SLC25A3: variants seen among roughly 807,000 people sequenced by gnomAD.
SLC25A3 encodes solute carrier family 25 member 3, also known as phosphate transport protein.
In SLC25A3, 14 loss-of-function variants were observed where a neutral mutation model predicts 37.1. That is an observed-to-expected ratio of 0.38 (90% CI 0.25 to 0.59). The LOEUF is 0.59. Ranked by LOEUF, SLC25A3 falls within the 20% of genes least tolerant of loss-of-function variation. The pLI is 0.67. For missense variants in SLC25A3, 385 were observed against 458.1 expected (o/e 0.84, Z 1.46); for synonymous variants, 161 against 168.7 (o/e 0.95, Z 0.36).
At position 98,597,168 on chromosome 12, in the gene SLC25A3, T is replaced by A. The variant is rs548267426; in HGVS notation, c.280-688T>A. On this transcript the variant is annotated intron_variant, in intron 3 of 7. Transcript: ENST00000552981. ...TTGACACAGAAAGCTTTTGTTGAAA[T>A]TTTACCCTCTTAACTATCACTCCAA... Among the ~76,000 whole-genome samples the A allele has an allele frequency of 1.2e-4, 18 of 152,230 alleles. No homozygotes were observed. In the East Asian group the frequency reaches 3.5e-3, roughly 29 times the overall value.
At chr12:98,595,518 A>G (rs1246059751) in intron 2 of SLC25A3, 1 of 1,614,124 alleles carries the variant, frequency 6.2e-7, no homozygotes, top group African/African-American at 1.3e-5. Flanking sequence ...CAACACATAC[A>G]GCATTGGTTC....
At chr12:98,597,479 G>A in intron 3 of SLC25A3, 2 of 230,774 alleles carry the variant, frequency 8.7e-6, no homozygotes, top group South Asian at 1.1e-4. Flanking sequence ...TGGTGCCATC[G>A]TGGCTCACTG....
intron 2 of SLC25A3, chr12:98,595,253 C>A (rs909123523): frequency 3.2e-6 from 2 of 628,720 alleles, no homozygotes; most frequent in African/African-American, 1.8e-5. Context: ...GATACAGAAC[C>A]CTCATAATTT....
chr12:98,597,498 ACCTC>A lies in SLC25A3; in HGVS notation c.280-349_280-346del, dbSNP rs2097593962. 3 of 260,726 alleles carry A rather than the reference ACCTC, an allele frequency of 1.2e-5. No individual in the cohort carries two copies. In the South Asian group the frequency reaches 1.2e-4, roughly 11 times the overall value. The allele number at this position is 260,726 out of a possible 1,614,324, so 16.2% of individuals were successfully genotyped here. A position where few individuals can be genotyped will look rare whatever the true frequency, so the allele number is the denominator to read the frequency against. ...GCCATCGTGGCTCACTGCAACCTCC[ACCTC>A]CCTCCCTCAGGCTCAAGCGATTGTT... On this transcript the variant is annotated intron_variant, in intron 3 of 7. Coordinates refer to ENST00000552981, the MANE Select transcript of SLC25A3 (RefSeq NM_002635.4).
chr12:98,598,746 T>C (rs1288588979), intron 5 of SLC25A3, 43 bp downstream of exon 5: 1 of 1,519,232 alleles, frequency 6.6e-7, no homozygotes, highest in Non-Finnish European at 9.0e-7. Context: ...AGTACTTATT[T>C]TAAGTGAACT....
At chr12:98,598,138 G>A in intron 4 of SLC25A3, 103 bp downstream of exon 4, 1 of 1,122,732 alleles carries the variant, frequency 8.9e-7, no homozygotes. Flanking sequence ...GAAGAAAATG[G>A]TCCTACAAAG....
At chr12:98,596,687 G>GT (rs1382208122) in intron 3 of SLC25A3, among the ~76,000 whole-genome samples, 1 of 152,038 alleles carries the variant, frequency 6.6e-6, no homozygotes, top group Non-Finnish European at 1.5e-5. Flanking sequence ...TAGGAATACA[G>GT]TTATATCTAT....
In SLC25A3 at chr12:98,594,100, G is replaced by C. The variant is rs780745859; in HGVS notation, c.122G>C (p.Arg41Pro). 31 of 1,611,602 alleles carry C rather than the reference G, an allele frequency of 1.9e-5. No individual in the cohort carries two copies. The highest frequency in any genetic ancestry group is 2.6e-5 in the Non-Finnish European group (31 of 1,179,192). Reference protein sequence around the residue: ...SSSPGPTGQPRRPRNLAAAAV... With the variant: ...SSSPGPTGQPPRPRNLAAAAV... ...TCCCCAGGGCCCACGGGCCAGCCCC[G>C]CCGCCCTCGCAACCTGGCAGCCGCC... Residue 41 changes from arginine (R) to proline (P), a missense_variant, in exon 2 of 8, where the codon CGC (arginine) becomes CCC (proline). This residue lies in a region of SLC25A3 where 109 missense variants were observed against 90.5 expected (regional missense o/e 1.20). Transcript: ENST00000552981.
chr12:98,600,278 C>T (rs988263732), intron 6 of SLC25A3, 151 bp downstream of exon 6: 4 of 666,726 alleles, frequency 6.0e-6, no homozygotes, highest in Non-Finnish European at 1.1e-5. Flanking sequence ...CGCTCTGTTG[C>T]CCAGGCTGGA....
chr12:98,599,849 T>TA lies in SLC25A3; in HGVS notation c.642-106_642-105insA, dbSNP rs754793790. 84 of 1,147,482 alleles carry TA rather than the reference T, an allele frequency of 7.3e-5. No individual in the cohort carries two copies. The African/African-American group carries it at 1.1e-3, about 15-fold the overall frequency. 71.1% of individuals were successfully genotyped at this position (1,147,482 alleles called of 1,614,324 possible). A position where few individuals can be genotyped will look rare whatever the true frequency, so the allele number is the denominator to read the frequency against. ...AATGACATGCATTTATGCTGCCATT[T>TA]GTTACTATCAGGACTCGACTCGTGT... On this transcript the variant is annotated intron_variant, in intron 5 of 7. Coordinates refer to ENST00000552981, the MANE Select transcript of SLC25A3 (RefSeq NM_002635.4).
intron 3 of SLC25A3, among the ~76,000 whole-genome samples, chr12:98,596,308 C>T (rs1338212697): frequency 2.0e-5 from 3 of 152,154 alleles, no homozygotes; most frequent in Non-Finnish European, 4.4e-5. Context: ...TGTTTATTTA[C>T]ACAACATTTT....
At chr12:98,596,704 G>A (rs1396936093) in intron 3 of SLC25A3, among the ~76,000 whole-genome samples, 2 of 151,942 alleles carry the variant, frequency 1.3e-5, no homozygotes, top group East Asian at 3.9e-4. Context: ...CTATTATCTA[G>A]ACAGTAGCTT....
chr12:98,594,072 A>T lies in SLC25A3; in HGVS notation c.94A>T (p.Ser32Cys). The T allele has an allele frequency of 1.9e-6, 3 of 1,612,782 alleles. No homozygotes were observed. Among genetic ancestry groups the T allele is most frequent in the Non-Finnish European group, 2.5e-6 (3 of 1,179,794 alleles). ...VHDGLGDLRS[S>C]SPGPTGQPRR... ...CGATGGTCTCGGGGACCTCCGCAGCAGCTCCCCAGGGCCCACGGGCCAGCC... is the reference window on the plus strand; with the variant it reads ...CGATGGTCTCGGGGACCTCCGCAGCTGCTCCCCAGGGCCCACGGGCCAGCC... The change falls in exon 2 of 8, where the codon AGC (serine) becomes TGC (cysteine). Residue 32 changes from serine to cysteine, a missense_variant. Ser to Cys is a moderately radical substitution (Grantham distance 112, BLOSUM62 -1). Coordinates refer to ENST00000552981, the MANE Select transcript of SLC25A3 (RefSeq NM_002635.4).
At position 98,604,429 on chromosome 12, in the gene SLC25A3, A is replaced by C. The variant is rs534040844; in HGVS notation, c.*2901A>C. 1.2e-4 allele frequency: 18 copies of C among 152,084 alleles called. No homozygotes were observed. Among genetic ancestry groups the C allele is most frequent in the African/African-American group, 4.1e-4 (17 of 41,520 alleles). The allele number at this position is 152,084 out of a possible 1,614,324, so 9.4% of individuals were successfully genotyped here. A position where few individuals can be genotyped will look rare whatever the true frequency, so the allele number is the denominator to read the frequency against. The stretch of plus-strand genomic sequence containing the variant: ...ATTATGCCTTCTGATAGGTGCAACA[A>C]AATTGAACAGAAGAGTAACAGCTTA... On this transcript the variant is annotated 3_prime_UTR_variant, in exon 8 of 8. Transcript: ENST00000552981.
At chr12:98,594,458 T>G (rs1478645645) in intron 2 of SLC25A3, 6 of 658,592 alleles carry the variant, frequency 9.1e-6, no homozygotes, top group African/African-American at 8.9e-5. Flanking sequence ...GGGTAAACTC[T>G]CCTCCCGAAA....
intron 4 of SLC25A3, 68 bp from the exon 5 acceptor site, chr12:98,598,454 A>C: frequency 6.2e-7 from 1 of 1,610,568 alleles, no homozygotes; most frequent in Non-Finnish European, 8.5e-7. Flanking sequence ...TGTTTTCTAG[A>C]ACTGTCACTT....
In SLC25A3 at chr12:98,605,249, A is replaced by C. The variant is rs1365512983; in HGVS notation, c.*3721A>C. 2 of 151,750 alleles carry C rather than the reference A, an allele frequency of 1.3e-5. No homozygotes were observed. Among genetic ancestry groups the C allele is most frequent in the Non-Finnish European group, 2.9e-5 (2 of 67,874 alleles). The allele number at this position is 151,750 out of a possible 1,614,324, so 9.4% of individuals were successfully genotyped here. On this transcript the variant is annotated 3_prime_UTR_variant, in exon 8 of 8. Transcript: ENST00000552981. The stretch of plus-strand genomic sequence containing the variant: ...ATCCTGGACAACATAATGAGAAAAG[A>C]AAATACAAAAATTAAGGGGTGTGGT...
rs190958343 is a variant in SLC25A3, at chr12:98,595,359, T to A, written c.158-368T>A. The A allele has an allele frequency of 1.9e-6, 3 of 1,546,414 alleles. No homozygotes were observed. The Admixed American group carries it at 5.0e-5, about 26-fold the overall frequency. ...GATAATAGTATCTCACAGGGAAACATTTTCTTTCATTCCAGTGGCCTTAGT... is the reference window on the plus strand; with the variant it reads ...GATAATAGTATCTCACAGGGAAACAATTTCTTTCATTCCAGTGGCCTTAGT... On this transcript the variant is annotated intron_variant, in intron 2 of 7. Coordinates refer to ENST00000552981, the MANE Select transcript of SLC25A3 (RefSeq NM_002635.4).
intron 5 of SLC25A3, among the ~76,000 whole-genome samples, chr12:98,599,263 G>T: frequency 6.6e-6 from 1 of 151,458 alleles, no homozygotes. Context: ...ATGTTGGTCA[G>T]GCTGGTCTCG....
Sources: gnomAD v4.1 joint callset for allele counts (sites outside exome capture counted in the v4.1 genomes callset) on GRCh38, gnomAD v4.1.1 for gene constraint, gnomAD v4.1.1 regional missense constraint, MANE v1.5 for transcripts, NCBI Gene and HGNC (gene_info 2026-07-23, HGNC 2026-07-21) for gene names.